Variants in EXOC6B observed in about 807,000 individuals in gnomAD.
The protein encoded by EXOC6B is SEC15 homolog B.
A neutral mutation model predicts 113.5 loss-of-function variants in EXOC6B; 54 were observed. That is an observed-to-expected ratio of 0.48 (90% confidence interval 0.38 to 0.60). The LOEUF is 0.60. Among genes scored for constraint, EXOC6B ranks in the 20% least tolerant of loss-of-function variants. EXOC6B has a pLI of 0.00. For synonymous variants in EXOC6B, 357 were observed against 339.0 expected (o/e 1.05, Z -0.58); for missense variants, 797 against 977.5 (o/e 0.82, Z 2.46).
At chr2:72,423,187 T>C (rs946474687) in intron 18 of EXOC6B, among the ~76,000 whole-genome samples, 2 of 151,150 alleles carry the variant, frequency 1.3e-5, no homozygotes, top group Admixed American at 1.3e-4. Context: ...TTAAGAGCTG[T>C]AACACTCACC....
chr2:72,644,853 A>G (rs1401108259), intron 6 of EXOC6B, among the ~76,000 whole-genome samples: 2 of 152,206 alleles, frequency 1.3e-5, no homozygotes, highest in African/African-American at 4.8e-5. Context: ...TGTAAAGAAC[A>G]TCGATGCTAG....
chr2:72,182,749 C>A, intron 21 of EXOC6B: 1 of 493,318 alleles, frequency 2.0e-6, no homozygotes, highest in Non-Finnish European at 3.2e-6. Flanking sequence ...AGCCAGTTGG[C>A]ACCAGGCTGG....
At chr2:72,647,058 C>T (rs1673779523) in intron 6 of EXOC6B, among the ~76,000 whole-genome samples, 1 of 150,444 alleles carries the variant, frequency 6.6e-6, no homozygotes, top group African/African-American at 2.4e-5. Context: ...AACCCCATCT[C>T]CTTGGGTTGA....
intron 19 of EXOC6B, among the ~76,000 whole-genome samples, chr2:72,359,563 G>A (rs898367714): frequency 3.3e-5 from 5 of 152,006 alleles, no homozygotes; most frequent in Non-Finnish European, 5.9e-5. Flanking sequence ...CAGGACAAAC[G>A]GACTAAGACA....
intron 8 of EXOC6B, among the ~76,000 whole-genome samples, chr2:72,552,071 T>C (rs967229622): frequency 6.6e-6 from 1 of 152,230 alleles, no homozygotes; most frequent in Non-Finnish European, 1.5e-5. Context: ...TTACCACTTA[T>C]TTATTCATTC....
chr2:72,628,740 C>T (rs1325080928), intron 6 of EXOC6B, among the ~76,000 whole-genome samples: 2 of 152,172 alleles, frequency 1.3e-5, no homozygotes, highest in East Asian at 3.9e-4. Context: ...ACCATGCTGG[C>T]ACTCTGATCT....
intron 19 of EXOC6B, among the ~76,000 whole-genome samples, chr2:72,338,730 A>G (rs1688845018): frequency 6.6e-6 from 1 of 152,102 alleles, no homozygotes; most frequent in Admixed American, 6.6e-5. Flanking sequence ...TCTAATTTCA[A>G]CTATATAAAA....
chr2:72,633,177 G>A (rs1672586543), intron 6 of EXOC6B, among the ~76,000 whole-genome samples: 1 of 152,172 alleles, frequency 6.6e-6, no homozygotes, highest in Non-Finnish European at 1.5e-5. Context: ...TTAACAAAAA[G>A]TATTCCGTCT....
At chr2:72,534,200 C>CA (rs567553159) in intron 8 of EXOC6B, among the ~76,000 whole-genome samples, 371 of 144,168 alleles carry the variant, frequency 2.6e-3, no homozygotes, top group Non-Finnish European at 2.8e-3. Flanking sequence ...AGGGTCAAAC[C>CA]AAAAAAAAAA....
intron 1 of EXOC6B, among the ~76,000 whole-genome samples, chr2:72,743,982 C>T (rs570151479): frequency 3.9e-4 from 60 of 152,234 alleles, no homozygotes; most frequent in African/African-American, 1.4e-3. Context: ...ACTGTATTAT[C>T]TAGTGAAGTC....
intron 15 of EXOC6B, among the ~76,000 whole-genome samples, chr2:72,493,428 G>T (rs1699866660): frequency 6.9e-6 from 1 of 144,052 alleles, no homozygotes; most frequent in Non-Finnish European, 1.5e-5. Flanking sequence ...AAAAAATGCT[G>T]TTTGTGCATG....
At chr2:72,488,778 CTT>C (rs1573238124) in intron 16 of EXOC6B, among the ~76,000 whole-genome samples, 2 of 152,298 alleles carry the variant, frequency 1.3e-5, no homozygotes, top group East Asian at 3.9e-4. Context: ...AACTAGTCCC[CTT>C]GTTTCCATCC....
intron 17 of EXOC6B, among the ~76,000 whole-genome samples, chr2:72,466,527 T>C (rs1164301266): frequency 1.3e-5 from 2 of 152,098 alleles, no homozygotes; most frequent in African/African-American, 4.8e-5. Flanking sequence ...CCCAAATTTC[T>C]CTGTAATTTG....
intron 6 of EXOC6B, among the ~76,000 whole-genome samples, chr2:72,628,878 T>C (rs547847933): frequency 5.3e-5 from 8 of 152,316 alleles, no homozygotes; most frequent in African/African-American, 9.6e-5. Flanking sequence ...AGTACATATA[T>C]ATACTTAAGG....
At chr2:72,233,415 T>G (rs539625874) in intron 20 of EXOC6B, among the ~76,000 whole-genome samples, 1 of 152,114 alleles carries the variant, frequency 6.6e-6, no homozygotes, top group Admixed American at 6.5e-5. Context: ...GTCTGGGCTC[T>G]GTGGGGAGCC....
At chr2:72,823,486 C>CAAAA (rs1334851778) in intron 1 of EXOC6B, among the ~76,000 whole-genome samples, 15 of 96,998 alleles carry the variant, frequency 1.5e-4, no homozygotes, top group Admixed American at 2.3e-4. Flanking sequence ...AAACAAAAAA[C>CAAAA]AAAAAAAAAG....
chr2:72,269,780 A>G (rs1325326861), intron 20 of EXOC6B, among the ~76,000 whole-genome samples: 3 of 152,210 alleles, frequency 2.0e-5, no homozygotes, highest in Admixed American at 1.3e-4. Flanking sequence ...GATAATTTTT[A>G]TATCACATGG....
intron 19 of EXOC6B, among the ~76,000 whole-genome samples, chr2:72,370,841 A>G (rs1405206829): frequency 7.1e-6 from 1 of 141,038 alleles, no homozygotes; most frequent in African/African-American, 2.6e-5. Context: ...GAAGGGGAAC[A>G]TCACACACTG....
At chr2:72,448,540 C>A (rs899744107) in intron 18 of EXOC6B, among the ~76,000 whole-genome samples, 8 of 151,884 alleles carry the variant, frequency 5.3e-5, no homozygotes, top group Non-Finnish European at 1.2e-4. Flanking sequence ...CCATTGTCTC[C>A]CAAGTAACAA....
Sources: gnomAD v4.1 joint callset for allele counts (sites outside exome capture counted in the v4.1 genomes callset) on GRCh38, gnomAD v4.1.1 for gene constraint, MANE v1.5 for transcripts, NCBI Gene and HGNC (gene_info 2026-07-23, HGNC 2026-07-21) for gene names.